The following ILK variants were observed in gnomAD, a reference collection of about 807,000 sequenced individuals.
The protein encoded by ILK is integrin linked kinase, also known as scaffold protein ILK.
In ILK, 37 loss-of-function variants were observed where a neutral mutation model predicts 57.8. The ratio of observed to expected loss-of-function variants is 0.64; its 90% CI spans 0.49 to 0.84. ILK has a LOEUF of 0.84. ILK is among the 40% of genes least tolerant of loss of function. The pLI is 0.00. For missense variants in ILK, 528 were observed against 595.7 expected, an observed-to-expected ratio of 0.89 and a Z score of 1.18; for synonymous variants, 231 against 202.2, an observed-to-expected ratio of 1.14 and a Z score of -1.21.
chr11:6,610,115 G>GGGGGCCAGAACAGACAAGCCCT, intron 11 of ILK, 33 bp from the exon 12 acceptor site: 1 of 1,614,180 alleles, frequency 6.2e-7, no homozygotes. Context: ...GGACAGGCAA[G>GGGGGCCAGAACAGACAAGCCCT]GGGGCCAGAA....
In ILK at chr11:6,609,360, G is replaced by A. The variant is rs1855269911; in HGVS notation, c.680G>A (p.Trp227Ter). ...GTGAAGGTGCTGAAGGTTCGAGACT[G>A]GAGTACAAGGAAGAGCAGGGACTTC... is the stretch of plus-strand genomic sequence containing the variant. ...IVVKVLKVRD[W>*]STRKSRDFNE... is the part of the protein sequence containing the mutation. The change falls in exon 8 of 13, where the codon TGG becomes TAG. Residue 227 changes from tryptophan to a stop codon, truncating the protein, a stop_gained. Coordinates refer to ENST00000299421, the MANE Select transcript of ILK (RefSeq NM_004517.4). LOFTEE classifies it high-confidence loss of function. The A allele has an allele frequency of 1.9e-6, 3 of 1,614,038 alleles. No individual in the cohort carries two copies. Among genetic ancestry groups the A allele is most frequent in the Admixed American group, 3.3e-5 (2 of 60,008 alleles).
intron 2 of ILK, chr11:6,606,377 T>G (rs1854909994): frequency 6.6e-6 from 1 of 152,376 alleles, no homozygotes. Context: ...GTCATCTTAG[T>G]CTAGACTTCA....
chr11:6,610,303 G>C (rs1464000859), intron 12 of ILK, 25 bp downstream of exon 12: 3 of 1,613,948 alleles, frequency 1.9e-6, no homozygotes, highest in Non-Finnish European at 2.5e-6. Context: ...GCATACATTT[G>C]TGTTGCGGGA....
At position 6,610,441 on chromosome 11, in the gene ILK, CT is replaced by C. The variant is rs1230479094; in HGVS notation, c.1210-14del. ...ATGACAGACTCAAATTGTGAGGCTG[CT>C]TTTTTTCTTGTATTCGCAGGTGGCA... On this transcript the variant is annotated intron_variant, in intron 12 of 12. Coordinates refer to ENST00000299421, the MANE Select transcript of ILK (RefSeq NM_004517.4). 2 of 1,614,132 alleles carry C rather than the reference CT, an allele frequency of 1.2e-6. No homozygotes were observed. The highest frequency in any genetic ancestry group is 1.7e-6 in the Non-Finnish European group (2 of 1,180,006).
chr11:6,609,226 G>A, intron 7 of ILK, 70 bp downstream of exon 7: 6 of 1,603,432 alleles, frequency 3.7e-6, no homozygotes, highest in Non-Finnish European at 5.1e-6. Flanking sequence ...CCTGTTTTAA[G>A]TTTTTCCTCC....
At chr11:6,607,715 G>A (rs146301445) in intron 2 of ILK, 87 of 373,486 alleles carry the variant, frequency 2.3e-4, no homozygotes, top group African/African-American at 1.6e-3. Context: ...TATAAGATGT[G>A]GTGGAAAACA....
chr11:6,609,156 G>A lies in ILK; in HGVS notation c.618G>A (p.Glu206=). The stretch of plus-strand genomic sequence containing the variant: ...AGCTCAACGAGAATCACTCTGGAGA[G>A]GTGACCCCTGCCCTTCTTGCCCTTC... ...LTKLNENHSG[E]LWKGRWQGND... Residue 206 remains glutamate, a splice_region_variant and synonymous_variant, in exon 7 of 13, where the codon GAG becomes GAA. Coordinates refer to ENST00000299421, the MANE Select transcript of ILK (RefSeq NM_004517.4). 1 of 1,613,482 alleles carries A rather than the reference G, an allele frequency of 6.2e-7. No homozygotes were observed. The highest frequency in any genetic ancestry group is 8.5e-7 in the Non-Finnish European group (1 of 1,179,436).
rs754252138 is a variant in ILK, at chr11:6,609,621, G to A, written c.838G>A (p.Val280Ile). ...HWMPYGSLYN[V>I]LHEGTNFVVD... ...GATGCCGTATGGATCCCTCTACAAT[G>A]TACTACATGAAGGCACCAGTGAGTA... Residue 280 changes from valine to isoleucine, a missense_variant, in exon 9 of 13, where the codon GTA (valine) becomes ATA (isoleucine). Physicochemically the swap from Val to Ile is conservative, Grantham distance 29. Coordinates refer to ENST00000299421, the MANE Select transcript of ILK (RefSeq NM_004517.4). 1.9e-6 allele frequency: 3 copies of A among 1,614,184 alleles called. No individual in the cohort carries two copies. Among genetic ancestry groups the A allele is most frequent in the Admixed American group, 3.3e-5 (2 of 60,030 alleles).
Position 6,609,907 on chromosome 11 carries a change from C to T in ILK, c.979-29C>T. 4 of 1,614,158 alleles carry T rather than the reference C, an allele frequency of 2.5e-6. No individual in the cohort carries two copies. The East Asian group carries it at 8.9e-5, about 36-fold the overall frequency. On this transcript the variant is annotated intron_variant, in intron 10 of 12. Transcript: ENST00000299421. ...AAGCCCTTTGCCTATCTATGACTTACCTCCTTCTATCTGTTTTCTCTTCCT... is the reference window on the plus strand; with the variant it reads ...AAGCCCTTTGCCTATCTATGACTTATCTCCTTCTATCTGTTTTCTCTTCCT...
intron 2 of ILK, chr11:6,607,580 C>G (rs1000443308): frequency 5.4e-6 from 1 of 185,668 alleles, no homozygotes; most frequent in Admixed American, 5.5e-5. Context: ...CCTTCTCCCC[C>G]ACTAACATGC....
Position 6,609,075 on chromosome 11 carries a change from T to G in ILK, c.537T>G (p.Asn179Lys). 1 of 1,614,082 alleles carries G rather than the reference T, an allele frequency of 6.2e-7. No homozygotes were observed. The highest frequency in any genetic ancestry group is 8.5e-7 in the Non-Finnish European group (1 of 1,179,962). ...WKGTTRTRPR[N>K]GTLNKHSGID... ...CTGACCTGCCCACACTCTTAGGAAA[T>G]GGAACCCTGAACAAACACTCTGGCA... Residue 179 changes from asparagine (N) to lysine (K), a missense_variant, in exon 7 of 13, where the codon AAT (asparagine) becomes AAG (lysine). By Grantham distance (94) the Asn-to-Lys change is moderately conservative (BLOSUM62 0). Transcript: ENST00000299421.
Position 6,610,455 on chromosome 11 carries a change from T to C in ILK, c.1210-7T>C. On this transcript the variant is annotated splice_polypyrimidine_tract_variant and splice_region_variant and intron_variant, in intron 12 of 12. Coordinates refer to ENST00000299421, the MANE Select transcript of ILK (RefSeq NM_004517.4). Reference sequence around the variant, plus strand: ...TTGTGAGGCTGCTTTTTTTCTTGTATTCGCAGGTGGCATTGGAAGGCCTTC... The same window carrying C: ...TTGTGAGGCTGCTTTTTTTCTTGTACTCGCAGGTGGCATTGGAAGGCCTTC... The C allele has an allele frequency of 3.7e-6, 6 of 1,614,236 alleles. No homozygotes were observed. Among genetic ancestry groups the C allele is most frequent in the Non-Finnish European group, 5.1e-6 (6 of 1,180,046 alleles).
intron 2 of ILK, chr11:6,607,236 A>C (rs1390170793): frequency 6.6e-6 from 1 of 152,254 alleles, no homozygotes; most frequent in Non-Finnish European, 1.5e-5. Context: ...GCCCAGCTCC[A>C]AACCAATTGT....
chr11:6,603,805 C>T lies in ILK; in HGVS notation c.-110C>T. On this transcript the variant is annotated 5_prime_UTR_variant, in exon 1 of 13. Coordinates refer to ENST00000299421, the MANE Select transcript of ILK (RefSeq NM_004517.4). Reference sequence around the variant, plus strand: ...GGACGGGAGTTCCCCGGAGAAGGATCCTGCAGCCCGAGTCCCGGTGAGTGC... The same window carrying T: ...GGACGGGAGTTCCCCGGAGAAGGATTCTGCAGCCCGAGTCCCGGTGAGTGC... 1 of 356,550 alleles carries T rather than the reference C, an allele frequency of 2.8e-6. No individual in the cohort carries two copies. The highest frequency in any genetic ancestry group is 5.0e-6 in the Non-Finnish European group (1 of 198,356). The allele number at this position is 356,550 out of a possible 1,614,324, so 22.1% of individuals were successfully genotyped here.
Position 6,610,743 on chromosome 11 carries a change from C to T in ILK, c.*132C>T. 2.2e-6 allele frequency: 3 copies of T among 1,346,480 alleles called. No homozygotes were observed. Among genetic ancestry groups the T allele is most frequent in the South Asian group, 1.2e-5 (1 of 82,490 alleles). The allele number at this position is 1,346,480 out of a possible 1,614,324, so 83.4% of individuals were successfully genotyped here. A position where few individuals can be genotyped will look rare whatever the true frequency, so the allele number is the denominator to read the frequency against. ...GTACTACCCCAGCCATGGGGTCCAT[C>T]CCCTTCCCCCATCCCTACCACTGTG... On this transcript the variant is annotated 3_prime_UTR_variant, in exon 13 of 13. Transcript: ENST00000299421.
In ILK at chr11:6,609,353, C is replaced by G. The variant is rs1179732298; in HGVS notation, c.673C>G (p.Arg225Gly). 1.2e-6 allele frequency: 2 copies of G among 1,613,950 alleles called. No homozygotes were observed. Among genetic ancestry groups the G allele is most frequent in the Non-Finnish European group, 1.7e-6 (2 of 1,180,022 alleles). Residue 225 changes from arginine (R) to glycine (G), a missense_variant, in exon 8 of 13, where the codon CGA becomes GGA. Coordinates refer to ENST00000299421, the MANE Select transcript of ILK (RefSeq NM_004517.4). ...NDIVVKVLKV[R>G]DWSTRKSRDF... ...CATTGTCGTGAAGGTGCTGAAGGTT[C>G]GAGACTGGAGTACAAGGAAGAGCAG...
At chr11:6,609,468 G>C in intron 8 of ILK, 44 bp from the exon 9 acceptor site, 2 of 1,614,076 alleles carry the variant, frequency 1.2e-6, no homozygotes, top group Non-Finnish European at 1.7e-6. Context: ...AGCACTGAAA[G>C]AGATCTTTTG....
rs954939705 is a variant in ILK at position 6,604,190 on chromosome 11, T to C, written c.-82T>C. 1.3e-5 allele frequency: 16 copies of C among 1,228,962 alleles called. No homozygotes were observed. Among genetic ancestry groups the C allele is most frequent in the African/African-American group, 4.5e-5 (3 of 67,196 alleles). 76.1% of individuals were successfully genotyped at this position (1,228,962 alleles called of 1,614,324 possible). A position where few individuals can be genotyped will look rare whatever the true frequency, so the allele number is the denominator to read the frequency against. ...ACTTCTCTCCTGTAGAGGATAAAGC[T>C]TGGGGTTCATCCTCCTTCCCTGGAT... On this transcript the variant is annotated 5_prime_UTR_variant, in exon 2 of 13. Transcript: ENST00000299421.
rs534256287 is a variant in ILK, at chr11:6,604,537, C to T, written c.89+177C>T. The stretch of plus-strand genomic sequence containing the variant: ...GGACGCAGTTTGAGCTGAATCTTGA[C>T]TGCAGAATAAGAGTTTCACAGGCAG... On this transcript the variant is annotated intron_variant, in intron 2 of 12. Transcript: ENST00000299421. The T allele has an allele frequency of 4.5e-5, 31 of 683,976 alleles. No individual in the cohort carries two copies. In the Admixed American group the frequency reaches 5.0e-4, roughly 11 times the overall value. 42.4% of individuals were successfully genotyped at this position (683,976 alleles called of 1,614,324 possible).
Sources: allele counts gnomAD v4.1 joint callset, GRCh38; gene constraint gnomAD v4.1.1; transcripts MANE v1.5; gene names NCBI Gene and HGNC (gene_info 2026-07-23, HGNC 2026-07-21).